The following AGBL3 variants were observed in gnomAD, a reference collection of about 807,000 sequenced individuals.
AGBL3 encodes cytosolic carboxypeptidase 3.
Under a neutral mutation model 94.5 loss-of-function variants are expected in AGBL3, and 68 were observed. The ratio of observed to expected loss-of-function variants is 0.72; its 90% confidence interval spans 0.59 to 0.88. The LOEUF (loss-of-function observed/expected upper bound fraction) is 0.88. AGBL3 is among the 40% of genes least tolerant of loss of function. The pLI is 0.00. For missense variants in AGBL3, 934 were observed against 1,103.8 expected (o/e 0.85, Z 2.18); for synonymous variants, 354 against 370.7 (o/e 0.95, Z 0.52).
In AGBL3 at chr7:135,121,500, A is replaced by T. The variant is rs142613168; in HGVS notation, c.2342+5889A>T. ...AAAGAATTTAAATCATAGAAAGTGT[A>T]TATCTGACCACAATGGAATCCAACT... is the stretch of plus-strand genomic sequence containing the variant. On this transcript the variant is annotated intron_variant, in intron 16 of 16. Transcript: ENST00000436302. Among the ~76,000 whole-genome samples the T allele has an allele frequency of 7.9e-5, 12 of 152,164 alleles. No individual in the cohort carries two copies. The East Asian group carries it at 2.1e-3, about 27-fold the overall frequency.
At position 135,069,247 on chromosome 7, in the gene AGBL3, G is replaced by A. The variant is rs1442866325; in HGVS notation, c.1909-7150G>A. ...TAAAGCAAGTCCTTAGAGACCTACA[G>A]AGACTTAGACTCCCACACAATAATA... On this transcript the variant is annotated intron_variant, in intron 12 of 16. Coordinates refer to ENST00000436302, the MANE Select transcript of AGBL3 (RefSeq NM_178563.4). 3.3e-5 allele frequency among the ~76,000 whole-genome samples: 5 copies of A among 152,076 alleles called. No homozygotes were observed. In the East Asian group the frequency reaches 9.7e-4, roughly 29 times the overall value.
intron 4 of AGBL3, among the ~76,000 whole-genome samples, chr7:134,997,894 A>G (rs1473410645): frequency 6.6e-6 from 1 of 152,192 alleles, no homozygotes; most frequent in Non-Finnish European, 1.5e-5. Context: ...TAGTATAATT[A>G]TCTCCTATTT....
chr7:135,099,832 T>G (rs1823494793), intron 15 of AGBL3: 1 of 151,622 alleles, frequency 6.6e-6, no homozygotes, highest in Non-Finnish European at 1.5e-5. Context: ...CTTTAAAATC[T>G]AGTTAGATAT....
At chr7:135,076,367 T>C (rs1419107687) in intron 12 of AGBL3, 30 bp from the exon 13 acceptor site, 3 of 1,420,260 alleles carry the variant, frequency 2.1e-6, no homozygotes, top group Non-Finnish European at 2.9e-6. Context: ...GTTGATTAAA[T>C]ATTGATTTTA....
intron 4 of AGBL3, among the ~76,000 whole-genome samples, chr7:135,007,334 G>T (rs1018218853): frequency 6.6e-6 from 1 of 151,836 alleles, no homozygotes; most frequent in Admixed American, 6.6e-5. Context: ...AAAAGAATAT[G>T]TATCATGAAC....
chr7:135,016,923 A>T, intron 4 of AGBL3, 129 bp from the exon 5 acceptor site: 1 of 658,780 alleles, frequency 1.5e-6, no homozygotes. Context: ...ACCCTTAGTA[A>T]AATCTTACCC....
intron 5 of AGBL3, among the ~76,000 whole-genome samples, chr7:135,026,498 C>T (rs1815161347): frequency 6.6e-6 from 1 of 151,328 alleles, no homozygotes; most frequent in Non-Finnish European, 1.5e-5. Context: ...TGGTCTCGAA[C>T]TCCTGACCTC....
chr7:135,029,623 T>C (rs977588614), intron 5 of AGBL3, among the ~76,000 whole-genome samples: 1 of 152,196 alleles, frequency 6.6e-6, no homozygotes, highest in African/African-American at 2.4e-5. Flanking sequence ...GACTGTCTTA[T>C]CATCTGTGTG....
At chr7:135,019,979 T>C (rs1416041565) in intron 5 of AGBL3, among the ~76,000 whole-genome samples, 2 of 152,110 alleles carry the variant, frequency 1.3e-5, no homozygotes, top group Non-Finnish European at 2.9e-5. Flanking sequence ...ACCTAGGCAA[T>C]ACCATTCAGG....
At chr7:135,011,976 C>G (rs549433399) in intron 4 of AGBL3, 1 of 152,254 alleles carries the variant, frequency 6.6e-6, no homozygotes, top group Non-Finnish European at 1.5e-5. Context: ...CTGTTCATAG[C>G]ACCATTTTTC....
chr7:135,116,496 G>A (rs567142576), intron 16 of AGBL3, among the ~76,000 whole-genome samples: 1 of 152,252 alleles, frequency 6.6e-6, no homozygotes, highest in Admixed American at 6.5e-5. Context: ...CTCTTCACTA[G>A]GCCTCCTCTG....
At chr7:135,071,441 C>T (rs942421783) in intron 12 of AGBL3, among the ~76,000 whole-genome samples, 1 of 152,090 alleles carries the variant, frequency 6.6e-6, no homozygotes, top group South Asian at 2.1e-4. Context: ...CAAAAAAGAG[C>T]CCGCATTGCC....
At chr7:134,992,416 TTC>T (rs754019358) in intron 3 of AGBL3, among the ~76,000 whole-genome samples, 6 of 152,262 alleles carry the variant, frequency 3.9e-5, no homozygotes, top group Non-Finnish European at 5.9e-5. Flanking sequence ...TCATTTATAT[TTC>T]TGTTTTTTAT....
chr7:135,005,524 T>C (rs1270220966), intron 4 of AGBL3, among the ~76,000 whole-genome samples: 1 of 151,792 alleles, frequency 6.6e-6, no homozygotes, highest in Admixed American at 6.6e-5. Flanking sequence ...TGTGGTAAGA[T>C]GTCAACTCTC....
At chr7:135,075,755 A>G (rs1820385790) in intron 12 of AGBL3, among the ~76,000 whole-genome samples, 1 of 152,010 alleles carries the variant, frequency 6.6e-6, no homozygotes, top group Admixed American at 6.6e-5. Flanking sequence ...TATTGTCACT[A>G]TTTTCTATTT....
At chr7:135,052,214 T>C (rs1265725410) in intron 11 of AGBL3, among the ~76,000 whole-genome samples, 2 of 152,198 alleles carry the variant, frequency 1.3e-5, no homozygotes, top group African/African-American at 4.8e-5. Flanking sequence ...TTCATGTCCC[T>C]GTACCTTATA....
rs957924919 is a variant in AGBL3, at chr7:135,010,378, G to C, written c.311-6674G>C. 4.0e-4 allele frequency: 77 copies of C among 193,878 alleles called. 1 individual carries two copies. The highest frequency in any genetic ancestry group is 2.3e-4 in the Non-Finnish European group (21 of 93,252). The allele number at this position is 193,878 out of a possible 1,614,324, so 12.0% of individuals were successfully genotyped here. A position where few individuals can be genotyped will look rare whatever the true frequency, so the allele number is the denominator to read the frequency against. Reference sequence around the variant, plus strand: ...AATCTGACCTGTAATTTTCAAAAGTGTCAAAGTCATGAAATATAAGGAAAG... The same window carrying C: ...AATCTGACCTGTAATTTTCAAAAGTCTCAAAGTCATGAAATATAAGGAAAG... On this transcript the variant is annotated intron_variant, in intron 4 of 16. Coordinates refer to ENST00000436302, the MANE Select transcript of AGBL3 (RefSeq NM_178563.4).
intron 7 of AGBL3, among the ~76,000 whole-genome samples, chr7:135,036,681 C>T (rs2116472782): frequency 6.6e-6 from 1 of 152,260 alleles, no homozygotes; most frequent in African/African-American, 2.4e-5. Context: ...TAAGAGAAAG[C>T]TCTGTGGCCT....
intron 5 of AGBL3, among the ~76,000 whole-genome samples, chr7:135,021,571 C>T: frequency 6.6e-6 from 1 of 152,154 alleles, no homozygotes; most frequent in South Asian, 2.1e-4. Context: ...GGATTACAGG[C>T]GTGAGCCACC....
Sources: gnomAD v4.1 joint callset for allele counts (sites outside exome capture counted in the v4.1 genomes callset) on GRCh38, gnomAD v4.1.1 for gene constraint, MANE v1.5 for transcripts, NCBI Gene and HGNC (gene_info 2026-07-23, HGNC 2026-07-21) for gene names.